SLC30A7: variants seen among roughly 807,000 people sequenced by gnomAD.
SLC30A7 encodes the protein zinc transporter 7.
Under a neutral mutation model 46.0 loss-of-function variants are expected in SLC30A7, and 35 were observed. The ratio of observed to expected loss-of-function variants is 0.76; its 90% CI spans 0.58 to 1.01. SLC30A7 has a LOEUF of 1.01. Ranked by LOEUF, SLC30A7 falls within the 50% of genes least tolerant of loss-of-function variation. SLC30A7 has a pLI of 0.00. For missense variants in SLC30A7, 464 were observed against 451.1 expected, an observed-to-expected ratio of 1.03 and a Z score of -0.26; for synonymous variants, 147 against 157.8, an observed-to-expected ratio of 0.93 and a Z score of 0.51.
chr1:100,941,696 T>A lies in SLC30A7; in HGVS notation c.842+19855T>A, dbSNP rs1654360036. 10 of 643,790 alleles carry A rather than the reference T, an allele frequency of 1.6e-5. No individual in the cohort carries two copies. In the Admixed American group the frequency reaches 1.8e-4, roughly 12 times the overall value. 39.9% of individuals were successfully genotyped at this position (643,790 alleles called of 1,614,324 possible). On this transcript the variant is annotated intron_variant, in intron 8 of 10. Transcript: ENST00000357650. ...TGAGAGTCTTCTCTTGAGACAGCTC[T>A]CTTTGGTTCCACAACTCTTCCATCC...
intron 3 of SLC30A7, among the ~76,000 whole-genome samples, chr1:100,908,842 C>T (rs1651884364): frequency 6.6e-6 from 1 of 152,042 alleles, no homozygotes; most frequent in Non-Finnish European, 1.5e-5. Context: ...CAGTAGCTGA[C>T]TATTGAAAAT....
At chr1:100,949,383 C>T (rs1044567487) in intron 8 of SLC30A7, among the ~76,000 whole-genome samples, 1 of 152,186 alleles carries the variant, frequency 6.6e-6, no homozygotes, top group Non-Finnish European at 1.5e-5. Flanking sequence ...CCTCTGGAAG[C>T]TTCATCCCAG....
At chr1:100,941,316 C>T (rs992913884) in intron 8 of SLC30A7, 2 of 382,164 alleles carry the variant, frequency 5.2e-6, no homozygotes, top group Non-Finnish European at 5.1e-6. Flanking sequence ...AAGTTTCCAC[C>T]ACAACCAAAA....
intron 8 of SLC30A7, among the ~76,000 whole-genome samples, chr1:100,945,206 A>T (rs1654559643): frequency 6.6e-6 from 1 of 152,124 alleles, no homozygotes; most frequent in Non-Finnish European, 1.5e-5. Context: ...AGATGGGTAG[A>T]TTGCAAAAAT....
At chr1:100,960,715 A>G (rs978468150) in intron 8 of SLC30A7, among the ~76,000 whole-genome samples, 6 of 152,110 alleles carry the variant, frequency 3.9e-5, no homozygotes, top group South Asian at 2.1e-4. Flanking sequence ...AAGTGTAGTG[A>G]AGCTATTTCT....
intron 2 of SLC30A7, among the ~76,000 whole-genome samples, chr1:100,902,196 A>T (rs1215027597): frequency 2.6e-5 from 4 of 152,324 alleles, no homozygotes; most frequent in African/African-American, 9.6e-5. Flanking sequence ...TTAAGAGAAC[A>T]TAATGTTCTT....
intron 2 of SLC30A7, among the ~76,000 whole-genome samples, chr1:100,903,830 G>A (rs889641455): frequency 5.3e-5 from 8 of 152,206 alleles, no homozygotes; most frequent in South Asian, 2.1e-4. Context: ...CTGTATGTGT[G>A]AAGAATGTTT....
chr1:100,909,043 A>G (rs970402102), intron 3 of SLC30A7, among the ~76,000 whole-genome samples: 4 of 148,164 alleles, frequency 2.7e-5, no homozygotes, highest in Admixed American at 6.8e-5. Flanking sequence ...TCCTCTCTTT[A>G]TGTGTGTGTG....
At chr1:100,972,354 T>G (rs1047822144) in intron 10 of SLC30A7, 1 of 232,714 alleles carries the variant, frequency 4.3e-6, no homozygotes, top group African/African-American at 2.4e-5. Flanking sequence ...GCAAAATGAC[T>G]TTTTTTTCTT....
intron 8 of SLC30A7, 98 bp from the exon 9 acceptor site, chr1:100,961,730 C>G (rs1258154605): frequency 3.4e-6 from 2 of 580,858 alleles, no homozygotes; most frequent in South Asian, 2.9e-5. Flanking sequence ...CCCGTAAGTC[C>G]TATTATATTC....
chr1:100,990,265 G>GC, the SLC30A7 span: 8 of 706,842 alleles, frequency 1.1e-5, no homozygotes, highest in South Asian at 1.2e-4. Flanking sequence ...GAGGGAAACT[G>GC]CCCCCATGAT....
chr1:100,924,413 C>T (rs186062682), intron 8 of SLC30A7, among the ~76,000 whole-genome samples: 1 of 152,228 alleles, frequency 6.6e-6, no homozygotes, highest in East Asian at 1.9e-4. Context: ...CCCCCCACCC[C>T]TTCCCACCAG....
At chr1:100,951,194 A>G (rs572311196) in intron 8 of SLC30A7, among the ~76,000 whole-genome samples, 1 of 152,330 alleles carries the variant, frequency 6.6e-6, no homozygotes, top group South Asian at 2.1e-4. Flanking sequence ...GCTGGCAGTT[A>G]GAAGGAAAAG....
chr1:100,907,156 T>G (rs1651730783), intron 3 of SLC30A7, among the ~76,000 whole-genome samples, 191 bp downstream of exon 3: 1 of 152,162 alleles, frequency 6.6e-6, no homozygotes, highest in Admixed American at 6.6e-5. Context: ...ATGGATGAGT[T>G]TTTGAATAGT....
At chr1:100,929,201 T>C (rs980043689) in intron 8 of SLC30A7, among the ~76,000 whole-genome samples, 2 of 152,148 alleles carry the variant, frequency 1.3e-5, no homozygotes, top group Non-Finnish European at 2.9e-5. Flanking sequence ...CTCTGGGTAG[T>C]GTAATTTTAA....
intron 2 of SLC30A7, among the ~76,000 whole-genome samples, chr1:100,902,074 C>A (rs1260328413): frequency 6.6e-6 from 1 of 152,134 alleles, no homozygotes; most frequent in African/African-American, 2.4e-5. Context: ...TGTGATAGGT[C>A]AGCAGAGAGC....
Position 100,976,890 on chromosome 1 carries a change from T to C in SLC30A7, c.*2033T>C, listed in dbSNP as rs1656554618. The C allele has an allele frequency of 6.6e-6, 1 of 152,564 alleles. No homozygotes were observed. 9.5% of individuals were successfully genotyped at this position (152,564 alleles called of 1,614,324 possible). A position where few individuals can be genotyped will look rare whatever the true frequency, so the allele number is the denominator to read the frequency against. On this transcript the variant is annotated 3_prime_UTR_variant, in exon 11 of 11. Transcript: ENST00000357650. ...AACATGTTTGCTTACTGCCAGGTGGTTTGAAATCTATGATTTACTGCAGTA... is the reference window on the plus strand; with the variant it reads ...AACATGTTTGCTTACTGCCAGGTGGCTTGAAATCTATGATTTACTGCAGTA...
Position 100,979,950 on chromosome 1 carries a change from T to C in SLC30A7, c.*5093T>C, listed in dbSNP as rs1656824884. On this transcript the variant is annotated 3_prime_UTR_variant, in exon 11 of 11. Coordinates refer to ENST00000357650, the MANE Select transcript of SLC30A7 (RefSeq NM_133496.5). Reference sequence around the variant, plus strand: ...TTAGTGAATAATCACCATGACAAAATTGGTATGGCGGAACAGTCATTATAC... The same window carrying C: ...TTAGTGAATAATCACCATGACAAAACTGGTATGGCGGAACAGTCATTATAC... 1 of 152,100 alleles carries C rather than the reference T, an allele frequency of 6.6e-6. No individual in the cohort carries two copies. The highest frequency in any genetic ancestry group is 2.4e-5 in the African/African-American group (1 of 41,434). The allele number at this position is 152,100 out of a possible 1,614,324, so 9.4% of individuals were successfully genotyped here. A position where few individuals can be genotyped will look rare whatever the true frequency, so the allele number is the denominator to read the frequency against.
At chr1:100,917,918 C>T (rs887821293) in intron 6 of SLC30A7, among the ~76,000 whole-genome samples, 159 bp from the exon 7 acceptor site, 5 of 152,146 alleles carry the variant, frequency 3.3e-5, no homozygotes, top group Non-Finnish European at 2.9e-5. Flanking sequence ...TTTACCTCCA[C>T]TCAATTATTT....
Sources: allele counts gnomAD v4.1 joint callset (sites outside exome capture counted in the v4.1 genomes callset), GRCh38; gene constraint gnomAD v4.1.1; transcripts MANE v1.5; gene names NCBI Gene and HGNC (gene_info 2026-07-23, HGNC 2026-07-21).